Variants in HDX observed in about 807,000 individuals in gnomAD.
HDX encodes highly divergent homeobox.
HDX carries 19 observed loss-of-function variants against 45.2 expected under a neutral mutation model. The observed-to-expected ratio is 0.42, with a 90% CI of 0.29 to 0.62. The LOEUF (loss-of-function observed/expected upper bound fraction) is 0.62. HDX is among the 20% of genes least tolerant of loss of function. The pLI, the probability that HDX is intolerant of heterozygous loss-of-function variation, is 0.20. For synonymous variants in HDX, 188 were observed against 172.8 expected, an observed-to-expected ratio of 1.09 and a Z score of -0.69; for missense variants, 532 against 493.9, an observed-to-expected ratio of 1.08 and a Z score of -0.73.
At chrX:84,457,762 C>A (rs1207171262) in intron 4 of HDX, among the ~76,000 whole-genome samples, 4 of 111,709 alleles carry the variant, frequency 3.6e-5, no homozygotes, top group African/African-American at 1.3e-4. Flanking sequence ...TGGCAGTATA[C>A]TACAGCAAGG....
chrX:84,407,868 C>T (rs1218084883), intron 5 of HDX, among the ~76,000 whole-genome samples: 1 of 111,343 alleles, frequency 9.0e-6, no homozygotes, highest in Non-Finnish European at 1.9e-5. Context: ...GTTTCATGTC[C>T]TTTGCCCACT....
At chrX:84,488,443 G>T (rs1401612691) in intron 1 of HDX, among the ~76,000 whole-genome samples, 5 of 109,798 alleles carry the variant, frequency 4.6e-5, no homozygotes, top group Non-Finnish European at 7.6e-5. Context: ...TTAAATATTA[G>T]AAATGTTTTG....
chrX:84,347,818 AT>A (rs2037241127), intron 6 of HDX, among the ~76,000 whole-genome samples: 1 of 110,987 alleles, frequency 9.0e-6, no homozygotes, highest in Non-Finnish European at 1.9e-5. Context: ...TTTAATTCTT[AT>A]TTTTGCTCCT....
chrX:84,495,493 T>C (rs938019673), intron 1 of HDX, among the ~76,000 whole-genome samples: 3 of 110,996 alleles, frequency 2.7e-5, no homozygotes, highest in African/African-American at 9.8e-5. Flanking sequence ...TGAAGGATTA[T>C]CCCCACAAAT....
chrX:84,498,989 T>C (rs2041066517), intron 1 of HDX, among the ~76,000 whole-genome samples: 1 of 111,692 alleles, frequency 9.0e-6, no homozygotes, highest in Non-Finnish European at 1.9e-5. Flanking sequence ...CTGTGACGTA[T>C]AGTAGCTGTG....
intron 9 of HDX, among the ~76,000 whole-genome samples, chrX:84,331,476 C>T (rs1239382036): frequency 9.0e-6 from 1 of 111,499 alleles, no homozygotes; most frequent in Non-Finnish European, 1.9e-5. Context: ...TTTGTTCACT[C>T]ACTCAGCAAC....
intron 1 of HDX, among the ~76,000 whole-genome samples, chrX:84,488,692 A>G (rs1014811886): frequency 9.0e-6 from 1 of 111,238 alleles, no homozygotes; most frequent in Non-Finnish European, 1.9e-5. Context: ...GAGCAATAAA[A>G]TTTTATTTTT....
intron 5 of HDX, among the ~76,000 whole-genome samples, chrX:84,376,509 C>T (rs2038060620): frequency 9.0e-6 from 1 of 111,364 alleles, no homozygotes; most frequent in African/African-American, 3.3e-5. Flanking sequence ...GAGTGCACTT[C>T]CCTGAAAGTT....
intron 9 of HDX, among the ~76,000 whole-genome samples, chrX:84,331,584 G>T (rs147749493): frequency 0.086 from 9,529 of 110,848 alleles, 400 homozygotes; most frequent in East Asian, 0.25. Flanking sequence ...AGGAGGTTTA[G>T]GATGAATATA....
At chrX:84,494,891 T>C (rs1243307382) in intron 1 of HDX, among the ~76,000 whole-genome samples, 1 of 111,663 alleles carries the variant, frequency 9.0e-6, no homozygotes, top group East Asian at 2.8e-4. Context: ...TGCACTCCCA[T>C]GTTCACTCAC....
chrX:84,416,220 T>C (rs1377772369), intron 5 of HDX, among the ~76,000 whole-genome samples: 1 of 111,647 alleles, frequency 9.0e-6, no homozygotes, highest in Non-Finnish European at 1.9e-5. Context: ...CCAAGTTTTC[T>C]ACTAGATTAT....
intron 2 of HDX, among the ~76,000 whole-genome samples, chrX:84,483,077 C>A (rs755261430): frequency 8.9e-6 from 1 of 111,840 alleles, no homozygotes; most frequent in East Asian, 2.8e-4. Context: ...AGGGCTTGGG[C>A]AGCTCCAACT....
chrX:84,445,484 A>G (rs747438181), intron 4 of HDX, among the ~76,000 whole-genome samples: 13 of 110,832 alleles, frequency 1.2e-4, no homozygotes, highest in South Asian at 3.8e-4. Flanking sequence ...GATAGCACTC[A>G]ATAAATATTT....
At chrX:84,422,042 G>A (rs1370519770) in intron 5 of HDX, among the ~76,000 whole-genome samples, 3 of 109,667 alleles carry the variant, frequency 2.7e-5, no homozygotes, top group African/African-American at 9.9e-5. Context: ...ATAATCTTCA[G>A]TGTAGACCAA....
chrX:84,391,428 A>G (rs2038439295), intron 5 of HDX, among the ~76,000 whole-genome samples: 1 of 111,502 alleles, frequency 9.0e-6, no homozygotes, highest in African/African-American at 3.3e-5. Flanking sequence ...AGGCATTCCT[A>G]TATTTGATAT....
At chrX:84,440,066 C>CA (rs1483662166) in intron 5 of HDX, 1 of 111,495 alleles carries the variant, frequency 9.0e-6, no homozygotes, top group Non-Finnish European at 1.9e-5. Context: ...GTTATACTGA[C>CA]ATTTTAAAAA....
At chrX:84,463,969 T>C (rs1358463106) in intron 4 of HDX, among the ~76,000 whole-genome samples, 2 of 111,631 alleles carry the variant, frequency 1.8e-5, no homozygotes, top group Non-Finnish European at 3.8e-5. Flanking sequence ...TGTACTCAGT[T>C]TTCTAGATAG....
At chrX:84,400,307 A>C (rs1316207573) in intron 5 of HDX, among the ~76,000 whole-genome samples, 2 of 110,031 alleles carry the variant, frequency 1.8e-5, no homozygotes, top group African/African-American at 6.6e-5. Flanking sequence ...AGAAAACTCC[A>C]TAGTCTCAGC....
intron 5 of HDX, among the ~76,000 whole-genome samples, chrX:84,427,599 T>C (rs1233869701): frequency 2.7e-5 from 3 of 111,461 alleles, no homozygotes; most frequent in Non-Finnish European, 5.7e-5. Flanking sequence ...GTCATGATTA[T>C]GTTGAGATTC....
Sources: gnomAD v4.1 joint callset for allele counts (sites outside exome capture counted in the v4.1 genomes callset) on GRCh38, gnomAD v4.1.1 for gene constraint, MANE v1.5 for transcripts, NCBI Gene and HGNC (gene_info 2026-07-23, HGNC 2026-07-21) for gene names.